WWC1: variants seen among roughly 807,000 people sequenced by gnomAD.
WWC1 encodes the protein protein KIBRA.
WWC1 carries 55 observed loss-of-function variants against 138.4 expected under a neutral mutation model. The observed-to-expected ratio is 0.40, with a 90% CI of 0.32 to 0.50. WWC1 has a LOEUF of 0.50. Among genes scored for constraint, WWC1 ranks in the 20% least tolerant of loss-of-function variants. WWC1 has a pLI of 0.72. For synonymous variants in WWC1, 524 were observed against 564.9 expected (o/e 0.93, Z 1.03); for missense variants, 1,226 against 1,420.4 (o/e 0.86, Z 2.20).
chr5:168,314,406 A>G (rs1415436095), intron 1 of WWC1, among the ~76,000 whole-genome samples: 1 of 152,016 alleles, frequency 6.6e-6, no homozygotes, highest in Non-Finnish European at 1.5e-5. Flanking sequence ...CATCTCTACT[A>G]AAAACACAAA....
chr5:168,344,062 G>T (rs1774268614), intron 1 of WWC1, among the ~76,000 whole-genome samples: 1 of 152,084 alleles, frequency 6.6e-6, no homozygotes, highest in Non-Finnish European at 1.5e-5. Context: ...AGCTTGCAAG[G>T]CCTATCCATT....
chr5:168,328,316 C>G (rs1305629593), intron 1 of WWC1, among the ~76,000 whole-genome samples: 2 of 152,176 alleles, frequency 1.3e-5, no homozygotes, highest in Non-Finnish European at 2.9e-5. Context: ...GATGCTGTTT[C>G]CTGGTGCACC....
intron 2 of WWC1, among the ~76,000 whole-genome samples, chr5:168,373,517 C>T (rs1424358467): frequency 1.3e-5 from 2 of 151,846 alleles, no homozygotes. Flanking sequence ...GCACCAAGGC[C>T]CAGGCATTCA....
At chr5:168,380,209 C>G (rs1777511263) in intron 2 of WWC1, among the ~76,000 whole-genome samples, 2 of 152,190 alleles carry the variant, frequency 1.3e-5, no homozygotes, top group African/African-American at 4.8e-5. Flanking sequence ...CTTCAGGGTG[C>G]TGAGGTGGAG....
chr5:168,387,072 C>G (rs923741033), intron 3 of WWC1, among the ~76,000 whole-genome samples: 11 of 152,202 alleles, frequency 7.2e-5, no homozygotes, highest in African/African-American at 2.7e-4. Context: ...TGAGCAAGAA[C>G]AATTAATATC....
chr5:168,374,063 A>AG (rs1298715834), intron 2 of WWC1, among the ~76,000 whole-genome samples: 19 of 144,070 alleles, frequency 1.3e-4, no homozygotes, highest in Admixed American at 7.0e-4. Context: ...AAAAAAAAAA[A>AG]AGAGAGAGAG....
At chr5:168,303,289 T>C (rs2152742537) in intron 1 of WWC1, among the ~76,000 whole-genome samples, 1 of 152,264 alleles carries the variant, frequency 6.6e-6, no homozygotes, top group East Asian at 1.9e-4. Context: ...GGGTTTTTCT[T>C]GTTCATTAAG....
Position 168,409,948 on chromosome 5 carries a change from G to A in WWC1, c.894G>A (p.Leu298=), listed in dbSNP as rs1174091851. The A allele has an allele frequency of 6.2e-7, 1 of 1,613,954 alleles. No homozygotes were observed. Among genetic ancestry groups the A allele is most frequent in the Admixed American group, 1.7e-5 (1 of 60,008 alleles). ...GSFGINSNNQ[L]AEKVRLRLRY... is the part of the protein sequence containing the mutation. ...TCGGCATCAACAGCAACAATCAGTTGGCAGAGAAGGTCAGATTGCGCCTTC... is the reference window on the plus strand; with the variant it reads ...TCGGCATCAACAGCAACAATCAGTTAGCAGAGAAGGTCAGATTGCGCCTTC... Residue 298 remains leucine (L), a synonymous_variant, in exon 8 of 23, where the codon TTG becomes TTA. Transcript: ENST00000265293.
At position 168,455,649 on chromosome 5, in the gene WWC1, G is replaced by A. The variant is rs1029593554; in HGVS notation, c.2823+129G>A. On this transcript the variant is annotated intron_variant, in intron 19 of 22. Transcript: ENST00000265293. The stretch of plus-strand genomic sequence containing the variant: ...GGTATGTTAACACCTCAGAGCCTCA[G>A]TTTCCTCAGGTGGAGTTCACGGGCC... 1.3e-5 allele frequency: 16 copies of A among 1,189,750 alleles called. No homozygotes were observed. The African/African-American group carries it at 2.4e-4, about 18-fold the overall frequency. The allele number at this position is 1,189,750 out of a possible 1,614,324, so 73.7% of individuals were successfully genotyped here. A position where few individuals can be genotyped will look rare whatever the true frequency, so the allele number is the denominator to read the frequency against.
intron 1 of WWC1, among the ~76,000 whole-genome samples, chr5:168,296,795 G>A (rs1004778772): frequency 6.6e-6 from 1 of 152,132 alleles, no homozygotes; most frequent in African/African-American, 2.4e-5. Context: ...AATACTAGGC[G>A]GGCTCACACC....
chr5:168,386,849 G>A (rs893769361), intron 3 of WWC1, among the ~76,000 whole-genome samples: 3 of 151,260 alleles, frequency 2.0e-5, no homozygotes, highest in Non-Finnish European at 2.9e-5. Flanking sequence ...AGGGTTTCCC[G>A]ATGTTGGCCA....
intron 3 of WWC1, among the ~76,000 whole-genome samples, chr5:168,386,561 T>G (rs1240423347): frequency 2.7e-5 from 4 of 150,752 alleles, no homozygotes; most frequent in African/African-American, 9.8e-5. Flanking sequence ...CCCAGCTAAT[T>G]TTTTTTTGTA....
intron 1 of WWC1, among the ~76,000 whole-genome samples, chr5:168,298,898 A>G (rs896804574): frequency 6.6e-6 from 1 of 152,174 alleles, no homozygotes; most frequent in African/African-American, 2.4e-5. Flanking sequence ...AGCCTGGCCA[A>G]CATGGTGAAA....
intron 17 of WWC1, among the ~76,000 whole-genome samples, chr5:168,447,455 G>A (rs978098396): frequency 1.3e-5 from 2 of 152,160 alleles, no homozygotes; most frequent in Non-Finnish European, 2.9e-5. Context: ...CAATGACACT[G>A]TCTGTGTTCC....
intron 3 of WWC1, among the ~76,000 whole-genome samples, chr5:168,388,817 G>A (rs887516384): frequency 6.6e-6 from 1 of 151,024 alleles, no homozygotes; most frequent in East Asian, 2.0e-4. Flanking sequence ...GTGACAGAGC[G>A]AGACTCCATC....
Position 168,320,376 on chromosome 5 carries a change from G to A in WWC1, c.119+28105G>A, listed in dbSNP as rs1466958895. On this transcript the variant is annotated intron_variant, in intron 1 of 22. Coordinates refer to ENST00000265293, the MANE Select transcript of WWC1 (RefSeq NM_015238.3). The stretch of plus-strand genomic sequence containing the variant: ...AGCCAACTCCTCATGCCACTTCAAA[G>A]CTAGAAAGGCAGTAGAGTGTAACAT... Among the ~76,000 whole-genome samples the A allele has an allele frequency of 2.0e-5, 3 of 152,194 alleles. No homozygotes were observed. In the East Asian group the frequency reaches 5.8e-4, roughly 29 times the overall value.
chr5:168,453,468 C>T (rs1756015303), intron 17 of WWC1, among the ~76,000 whole-genome samples: 1 of 152,134 alleles, frequency 6.6e-6, no homozygotes, highest in Non-Finnish European at 1.5e-5. Flanking sequence ...TTCTACATCT[C>T]AAGTACAGTG....
At chr5:168,409,142 C>G (rs1780031164) in intron 7 of WWC1, among the ~76,000 whole-genome samples, 1 of 152,170 alleles carries the variant, frequency 6.6e-6, no homozygotes, top group Admixed American at 6.5e-5. Flanking sequence ...AAAGCACTGT[C>G]CAGATGTGGC....
intron 1 of WWC1, among the ~76,000 whole-genome samples, chr5:168,340,003 CTCTTTCTTTCTT>C (rs924586873): frequency 1.1e-4 from 11 of 101,440 alleles, no homozygotes; most frequent in African/African-American, 3.3e-4. Context: ...CTCTCTTTCT[CTCTTTCTTTCTT>C]TTCTTTCTTT....
Sources: gnomAD v4.1 joint callset for allele counts (sites outside exome capture counted in the v4.1 genomes callset) on GRCh38, gnomAD v4.1.1 for gene constraint, MANE v1.5 for transcripts, NCBI Gene and HGNC (gene_info 2026-07-23, HGNC 2026-07-21) for gene names.